HIBCH: variants seen among roughly 807,000 people sequenced by gnomAD.
HIBCH encodes 3-hydroxyisobutyryl-CoA hydrolase, mitochondrial.
Under a neutral mutation model 58.2 loss-of-function variants are expected in HIBCH, and 50 were observed. The ratio of observed to expected loss-of-function variants is 0.86; its 90% CI spans 0.68 to 1.09. The LOEUF (loss-of-function observed/expected upper bound fraction) is 1.09, where lower values mean the gene tolerates loss of function less well. Among genes scored for constraint, HIBCH ranks in the 50% least tolerant of loss-of-function variants. The probability of loss-of-function intolerance (pLI) is 0.00; values close to 1 mark genes in which losing one functional copy is unlikely to be tolerated. For missense variants in HIBCH, 450 were observed against 449.7 expected (o/e 1.00, Z -0.01); for synonymous variants, 151 against 146.9 (o/e 1.03, Z -0.20).
intron 7 of HIBCH, among the ~76,000 whole-genome samples, chr2:190,259,632 T>A (rs1687031686): frequency 6.6e-6 from 1 of 152,216 alleles, no homozygotes; most frequent in African/African-American, 2.4e-5. Context: ...TAAATGAAAT[T>A]GTTTTCTTAT....
intron 11 of HIBCH, among the ~76,000 whole-genome samples, chr2:190,223,234 C>T (rs999201126): frequency 2.8e-4 from 43 of 152,246 alleles, no homozygotes; most frequent in African/African-American, 9.6e-4. Context: ...TAAAACTGCA[C>T]GTTCCGCACA....
intron 6 of HIBCH, among the ~76,000 whole-genome samples, chr2:190,283,196 T>C (rs964758530): frequency 1.3e-5 from 2 of 152,212 alleles, no homozygotes. Flanking sequence ...GTATGTTCAA[T>C]TCTTTGCCTT....
intron 11 of HIBCH, among the ~76,000 whole-genome samples, chr2:190,221,045 T>C (rs1685704541): frequency 6.6e-6 from 1 of 152,238 alleles, no homozygotes; most frequent in Non-Finnish European, 1.5e-5. Flanking sequence ...TATCAATTAA[T>C]TTTATAAGAA....
At chr2:190,219,994 ACCTTGGAAAGAGAGAAGAC>A (rs1177620983) in intron 11 of HIBCH, among the ~76,000 whole-genome samples, 3 of 152,146 alleles carry the variant, frequency 2.0e-5, no homozygotes, top group Non-Finnish European at 4.4e-5. Context: ...AAATCTACTC[ACCTTGGAAAGAGAGAAGAC>A]AATTCAAGAT....
intron 11 of HIBCH, among the ~76,000 whole-genome samples, chr2:190,224,602 G>A (rs948373090): frequency 1.3e-5 from 2 of 152,116 alleles, no homozygotes; most frequent in Non-Finnish European, 2.9e-5. Context: ...AAATATATAT[G>A]CACCCAATAC....
rs1300110550 is a variant in HIBCH at position 190,249,669 on chromosome 2, C to A, written c.721G>T (p.Ala241Ser). ...GTATGGTAATTTTCTAAGACAGATGCAATATTTTCTTTTGAAGGAGATTTC... is the reference window on the plus strand; with the variant it reads ...GTATGGTAATTTTCTAAGACAGATGAAATATTTTCTTTTGAAGGAGATTTC... The part of the protein sequence containing the change: ...ALKSPSKENI[A>S]SVLENYHTES... Residue 241 changes from alanine (A) to serine (S), a missense_variant, in exon 9 of 14, where the codon GCA becomes TCA. Transcript: ENST00000359678. 1 of 1,605,346 alleles carries A rather than the reference C, an allele frequency of 6.2e-7. No individual in the cohort carries two copies. The highest frequency in any genetic ancestry group is 1.3e-5 in the African/African-American group (1 of 74,688).
rs907379138 is a variant in HIBCH at position 190,315,026 on chromosome 2, C to A, written c.36-4230G>T. On this transcript the variant is annotated intron_variant, in intron 1 of 13. Transcript: ENST00000359678. This position sits in a 1 kb window ranked among gnomAD's most constrained non-coding sequence, Gnocchi z 5.4. ...GCAGTGGTGCAATCTCGGCTCACTG[C>A]AGGCTCTGCCTTCCGGGTTCACGCC... is the stretch of plus-strand genomic sequence containing the variant. Among the ~76,000 whole-genome samples, 1 of 151,934 alleles carries A rather than the reference C, an allele frequency of 6.6e-6. No individual in the cohort carries two copies.
intron 6 of HIBCH, among the ~76,000 whole-genome samples, chr2:190,277,943 T>C (rs779614031): frequency 3.3e-5 from 5 of 152,210 alleles, no homozygotes; most frequent in Non-Finnish European, 7.3e-5. Context: ...AAGTGTTAAA[T>C]TTGTATGAAG....
At chr2:190,262,398 G>A (rs1687115630) in intron 6 of HIBCH, among the ~76,000 whole-genome samples, 2 of 152,088 alleles carry the variant, frequency 1.3e-5, no homozygotes, top group African/African-American at 4.8e-5. Context: ...ATCTTTTTGA[G>A]TGAGTCTCTG....
Position 190,226,590 on chromosome 2 carries a change from C to T in HIBCH, c.892-13515G>A, listed in dbSNP as rs575585565. 7.0e-3 allele frequency among the ~76,000 whole-genome samples: 849 copies of T among 121,242 alleles called. 9 individuals carry two copies. Among genetic ancestry groups the T allele is most frequent in the African/African-American group, 0.025 (767 of 30,848 alleles). The allele number at this position is 121,242 out of a possible 152,430, so 79.5% of individuals were successfully genotyped here. A position where few individuals can be genotyped will look rare whatever the true frequency, so the allele number is the denominator to read the frequency against. On this transcript the variant is annotated intron_variant, in intron 11 of 13. Transcript: ENST00000359678. ...AGCCTGGGCAACAAGAGTGAAACTC[C>T]GTCTCAAAAAAAAAAAAAAAAAAAA...
intron 1 of HIBCH, chr2:190,190,028 G>A (rs1466223497): frequency 6.6e-6 from 1 of 152,152 alleles, no homozygotes; most frequent in East Asian, 1.9e-4. Flanking sequence ...CAGTCCCCTG[G>A]ATTTAGGTGC....
intron 4 of HIBCH, among the ~76,000 whole-genome samples, chr2:190,293,485 T>TA (rs920017605): frequency 2.0e-5 from 3 of 151,590 alleles, no homozygotes; most frequent in East Asian, 1.9e-4. Flanking sequence ...AATAAAATAA[T>TA]AAAAAAACGC....
intron 11 of HIBCH, among the ~76,000 whole-genome samples, chr2:190,237,271 C>T (rs1234761690): frequency 5.3e-5 from 8 of 152,182 alleles, no homozygotes; most frequent in Non-Finnish European, 8.8e-5. Flanking sequence ...TATTCAAATA[C>T]TTTTATCTTT....
intron 1 of HIBCH, among the ~76,000 whole-genome samples, chr2:190,318,429 G>A (rs949799654): frequency 6.6e-5 from 10 of 152,120 alleles, no homozygotes; most frequent in East Asian, 3.9e-4. Context: ...AACACTTTCC[G>A]TGGCACCCTA....
intron 1 of HIBCH, among the ~76,000 whole-genome samples, chr2:190,313,552 C>T (rs1021177990): frequency 6.7e-5 from 10 of 148,806 alleles, no homozygotes; most frequent in Admixed American, 4.8e-4. Flanking sequence ...CACCACTTAT[C>T]TAACAATTTT....
intron 9 of HIBCH, among the ~76,000 whole-genome samples, chr2:190,247,181 T>G (rs1263339979): frequency 2.0e-5 from 3 of 152,162 alleles, no homozygotes; most frequent in Non-Finnish European, 2.9e-5. Context: ...ATATTCTTTT[T>G]CCTAATTTAA....
At chr2:190,252,549 G>A (rs1305545024) in intron 7 of HIBCH, among the ~76,000 whole-genome samples, 1 of 152,066 alleles carries the variant, frequency 6.6e-6, no homozygotes, top group African/African-American at 2.4e-5. Flanking sequence ...TAAAGTATTT[G>A]ATGACACAAT....
At chr2:190,303,801 G>C (rs1050333664) in intron 2 of HIBCH, among the ~76,000 whole-genome samples, 3 of 151,974 alleles carry the variant, frequency 2.0e-5, no homozygotes, top group Non-Finnish European at 2.9e-5. Flanking sequence ...TACACAAAAG[G>C]ATAAAAGTTA....
chr2:190,201,622 A>G (rs1690246900), downstream of HIBCH: 1 of 167,078 alleles, frequency 6.0e-6, no homozygotes, highest in African/African-American at 2.4e-5. Context: ...AAATAGAGTG[A>G]ATTCTCCAAG....
Sources: allele counts gnomAD v4.1 joint callset (sites outside exome capture counted in the v4.1 genomes callset), GRCh38; gene constraint gnomAD v4.1.1; non-coding constraint Gnocchi (gnomAD v3.1); transcripts MANE v1.5; gene names NCBI Gene and HGNC (gene_info 2026-07-23, HGNC 2026-07-21).